Variants in ACTN4 observed in about 807,000 individuals in gnomAD.
ACTN4 encodes the protein alpha-actinin-4.
A neutral mutation model predicts 114.2 loss-of-function variants in ACTN4; 18 were observed. That is an observed-to-expected ratio of 0.16 (90% CI 0.11 to 0.23). The LOEUF (loss-of-function observed/expected upper bound fraction) is 0.23, where lower values mean the gene tolerates loss of function less well. Among genes scored for constraint, ACTN4 ranks in the 10% least tolerant of loss-of-function variants. The probability of loss-of-function intolerance (pLI) is 1.00; values close to 1 mark genes in which losing one functional copy is unlikely to be tolerated. For missense variants in ACTN4, 722 were observed against 1,262.9 expected (o/e 0.57, Z 6.49); for synonymous variants, 515 against 506.3 (o/e 1.02, Z -0.23).
rs185415847 is a variant in ACTN4, at chr19:38,671,014, T to C, written c.162+23107T>C. ...TGTGACCCCTAACCTTGCATGGTCT[T>C]GACCCTGTCTCTGCCTCTCCTCTAG... is the stretch of plus-strand genomic sequence containing the variant. On this transcript the variant is annotated intron_variant, in intron 1 of 20. Coordinates refer to ENST00000252699, the MANE Select transcript of ACTN4 (RefSeq NM_004924.6). Among the ~76,000 whole-genome samples, 239 of 152,206 alleles carry C rather than the reference T, an allele frequency of 1.6e-3. 1 individual carries two copies. Among genetic ancestry groups the C allele is most frequent in the African/African-American group, 5.6e-3 (234 of 41,546 alleles).
intron 1 of ACTN4, among the ~76,000 whole-genome samples, chr19:38,672,264 G>A (rs529620910): frequency 8.3e-5 from 10 of 121,210 alleles, no homozygotes; most frequent in South Asian, 5.6e-4. Context: ...TTTTTGAGAC[G>A]GAGTCTTTCT....
intron 1 of ACTN4, among the ~76,000 whole-genome samples, chr19:38,692,310 G>T (rs1967957111): frequency 6.6e-6 from 1 of 152,252 alleles, no homozygotes; most frequent in Non-Finnish European, 1.5e-5. Context: ...CTGCCGCAGT[G>T]CTAGCCCTGA....
rs1006497834 is a variant in ACTN4, at chr19:38,730,764, A to T, written c.*1332A>T. 4.8e-6 allele frequency: 7 copies of T among 1,472,820 alleles called. No homozygotes were observed. The highest frequency in any genetic ancestry group is 3.9e-5 in the Admixed American group (2 of 50,838). The allele number at this position is 1,472,820 out of a possible 1,614,324, so 91.2% of individuals were successfully genotyped here. Reference sequence around the variant, plus strand: ...AGCCCCAGACAGGTGGATGCCAGAGAGAGTGGCACCCATGCCAGGCAAGGC... The same window carrying T: ...AGCCCCAGACAGGTGGATGCCAGAGTGAGTGGCACCCATGCCAGGCAAGGC... On this transcript the variant is annotated 3_prime_UTR_variant, in exon 21 of 21. Coordinates refer to ENST00000252699, the MANE Select transcript of ACTN4 (RefSeq NM_004924.6).
At chr19:38,694,609 A>G (rs1968032567) in intron 1 of ACTN4, among the ~76,000 whole-genome samples, 1 of 151,970 alleles carries the variant, frequency 6.6e-6, no homozygotes, top group African/African-American at 2.4e-5. Context: ...CTCACTGGCC[A>G]GCACCTCCCA....
chr19:38,660,758 C>T (rs189993918), intron 1 of ACTN4, among the ~76,000 whole-genome samples: 85 of 152,266 alleles, frequency 5.6e-4, no homozygotes, highest in African/African-American at 2.0e-3. Flanking sequence ...AGAAATGGAT[C>T]CATGGGCCTT....
Position 38,730,404 on chromosome 19 carries a change from GTGGTTGA to G in ACTN4, c.*978_*984del, listed in dbSNP as rs1259311523. On this transcript the variant is annotated 3_prime_UTR_variant, in exon 21 of 21. Transcript: ENST00000252699. ...GGTGGGCTGATGGCCTGGCTGCCTG[GTGGTTGA>G]TGGTTTTGCTCCCCCTACCTTTTTT... 1 of 186,306 alleles carries G rather than the reference GTGGTTGA, an allele frequency of 5.4e-6. No homozygotes were observed. Among genetic ancestry groups the G allele is most frequent in the African/African-American group, 2.4e-5 (1 of 41,844 alleles). The allele number at this position is 186,306 out of a possible 1,614,324, so 11.5% of individuals were successfully genotyped here. A position where few individuals can be genotyped will look rare whatever the true frequency, so the allele number is the denominator to read the frequency against.
intron 1 of ACTN4, among the ~76,000 whole-genome samples, chr19:38,679,447 T>C (rs1434610520): frequency 6.6e-6 from 1 of 152,150 alleles, no homozygotes; most frequent in Non-Finnish European, 1.5e-5. Context: ...GTGGTGGGAC[T>C]CCTTTGTACC....
chr19:38,707,587 A>G (rs1968503271), intron 5 of ACTN4, among the ~76,000 whole-genome samples: 1 of 152,184 alleles, frequency 6.6e-6, no homozygotes, highest in South Asian at 2.1e-4. Context: ...TCCAGAGACC[A>G]GCATGCCAAG....
At chr19:38,704,597 A>G (rs974504985) in intron 3 of ACTN4, among the ~76,000 whole-genome samples, 1 of 152,230 alleles carries the variant, frequency 6.6e-6, no homozygotes, top group Non-Finnish European at 1.5e-5. Flanking sequence ...GAGTTGAGAG[A>G]GGTGTGAACA....
chr19:38,707,561 G>A (rs994022976), intron 5 of ACTN4, among the ~76,000 whole-genome samples: 1 of 152,082 alleles, frequency 6.6e-6, no homozygotes, highest in Non-Finnish European at 1.5e-5. Context: ...TGTGGCCTTG[G>A]GGAAGGTCTC....
intron 1 of ACTN4, among the ~76,000 whole-genome samples, chr19:38,673,466 TATATATATTTATATATATATTC>T (rs1210279532): frequency 3.3e-5 from 3 of 91,684 alleles, no homozygotes; most frequent in Non-Finnish European, 6.6e-5. Flanking sequence ...CATATATATT[TATATATATTTATATATATATTC>T]ATATATATTT....
chr19:38,701,471 CAT>C (rs1359139181), intron 3 of ACTN4, among the ~76,000 whole-genome samples: 1 of 152,322 alleles, frequency 6.6e-6, no homozygotes, highest in Admixed American at 6.5e-5. Context: ...CAGTGACAAA[CAT>C]GTGCCATGGC....
chr19:38,731,286 C>T lies in ACTN4; in HGVS notation c.*1854C>T. 8.0e-7 allele frequency: 1 copy of T among 1,252,758 alleles called. No homozygotes were observed. The highest frequency in any genetic ancestry group is 1.2e-6 in the Non-Finnish European group (1 of 858,060). The allele number at this position is 1,252,758 out of a possible 1,614,324, so 77.6% of individuals were successfully genotyped here. A position where few individuals can be genotyped will look rare whatever the true frequency, so the allele number is the denominator to read the frequency against. On this transcript the variant is annotated 3_prime_UTR_variant, in exon 21 of 21. Coordinates refer to ENST00000252699, the MANE Select transcript of ACTN4 (RefSeq NM_004924.6). ...GGAACCCACCTTGGCATTGCATCCC[C>T]ACCCCACCTCCTCAGGGAGGACATG...
chr19:38,724,493 C>T lies in ACTN4; in HGVS notation c.1938C>T (p.Ser646=). ...TGGAGGAGCAGAGCAAGCAGCAGTCCAACGAGCACCTGCGCCGCCAGTTCG... is the reference window on the plus strand; with the variant it reads ...TGGAGGAGCAGAGCAAGCAGCAGTCTAACGAGCACCTGCGCCGCCAGTTCG... ...ALLEEQSKQQ[S]NEHLRRQFAS... is the part of the protein sequence containing the mutation. Residue 646 remains serine (S), a synonymous_variant, in exon 16 of 21, where the codon TCC becomes TCT. Coordinates refer to ENST00000252699, the MANE Select transcript of ACTN4 (RefSeq NM_004924.6). This position sits in a 1 kb window ranked among gnomAD's most constrained non-coding sequence, Gnocchi z 7.0. 2 of 1,613,434 alleles carry T rather than the reference C, an allele frequency of 1.2e-6. No individual in the cohort carries two copies. Among genetic ancestry groups the T allele is most frequent in the South Asian group, 1.1e-5 (1 of 91,090 alleles).
intron 1 of ACTN4, among the ~76,000 whole-genome samples, chr19:38,656,765 A>G (rs1413862081): frequency 6.6e-6 from 1 of 152,154 alleles, no homozygotes; most frequent in Non-Finnish European, 1.5e-5. Flanking sequence ...GGTTTGTTTT[A>G]TGTTTTTTAA....
chr19:38,653,476 G>T (rs1321227258), intron 1 of ACTN4, among the ~76,000 whole-genome samples: 1 of 151,362 alleles, frequency 6.6e-6, no homozygotes, highest in Non-Finnish European at 1.5e-5. Context: ...AGAAGGGAAG[G>T]GCAAATATAA....
At chr19:38,710,064 C>T (rs1217824184) in intron 7 of ACTN4, among the ~76,000 whole-genome samples, 193 bp from the exon 8 acceptor site, 1 of 152,110 alleles carries the variant, frequency 6.6e-6, no homozygotes, top group East Asian at 1.9e-4. Flanking sequence ...AATCCGCTTC[C>T]CACAGCCTTG....
chr19:38,729,609 C>A lies in ACTN4; in HGVS notation c.*177C>A. ...TCTCCTCTCTCTCTTTGTGGGTTGG[C>A]CAGGAGGTTCCCCCGACCAGGTTGG... On this transcript the variant is annotated 3_prime_UTR_variant, in exon 21 of 21. Coordinates refer to ENST00000252699, the MANE Select transcript of ACTN4 (RefSeq NM_004924.6). 1.1e-6 allele frequency: 1 copy of A among 929,846 alleles called. No individual in the cohort carries two copies. Among genetic ancestry groups the A allele is most frequent in the Non-Finnish European group, 1.7e-6 (1 of 594,938 alleles). The allele number at this position is 929,846 out of a possible 1,614,324, so 57.6% of individuals were successfully genotyped here.
At chr19:38,661,331 A>G (rs920445438) in intron 1 of ACTN4, among the ~76,000 whole-genome samples, 1 of 152,234 alleles carries the variant, frequency 6.6e-6, no homozygotes, top group African/African-American at 2.4e-5. Flanking sequence ...CAAAAGCTGC[A>G]GTTATCTCTG....
Sources: gnomAD v4.1 joint callset for allele counts (sites outside exome capture counted in the v4.1 genomes callset) on GRCh38, gnomAD v4.1.1 for gene constraint, Gnocchi (gnomAD v3.1) non-coding constraint, MANE v1.5 for transcripts, NCBI Gene and HGNC (gene_info 2026-07-23, HGNC 2026-07-21) for gene names.